LMNA: variants seen among roughly 807,000 people sequenced by gnomAD.
The protein encoded by LMNA is lamin.
A neutral mutation model predicts 70.4 loss-of-function variants in LMNA; 20 were observed. That is an observed-to-expected ratio of 0.28 (90% confidence interval 0.20 to 0.41). The LOEUF is 0.41. LMNA is among the 10% of genes least tolerant of loss of function. The pLI is 1.00. For missense variants in LMNA, 652 were observed against 917.2 expected (o/e 0.71, Z 3.73); for synonymous variants, 339 against 372.8 (o/e 0.91, Z 1.04).
rs575668767 is a variant in LMNA at position 156,139,490 on chromosome 1, C to T, written c.*384C>T. 2.2e-4 allele frequency: 290 copies of T among 1,329,002 alleles called. 1 individual carries two copies. In the South Asian group the frequency reaches 4.3e-3, roughly 20 times the overall value. 82.3% of individuals were successfully genotyped at this position (1,329,002 alleles called of 1,614,324 possible). A position where few individuals can be genotyped will look rare whatever the true frequency, so the allele number is the denominator to read the frequency against. On this transcript the variant is annotated 3_prime_UTR_variant, in exon 12 of 12. Coordinates refer to ENST00000368300, the MANE Select transcript of LMNA (RefSeq NM_170707.4). ...TCTGCCCTGGCTGCTGCCCCCACCC[C>T]GGGGACCCTGTGACATGGTGCCTGA...
rs377630282 is a variant in LMNA at position 156,094,119 on chromosome 1, G to C, written c.-207+3537G>C. Among the ~76,000 whole-genome samples, 264 of 152,268 alleles carry C rather than the reference G, an allele frequency of 1.7e-3. 2 individuals are homozygous for C. Among genetic ancestry groups the C allele is most frequent in the Middle Eastern group, 0.017 (5 of 294 alleles). On this transcript the variant is annotated intron_variant, in intron 3 of 12. Transcript: ENST00000368301. ...TGTTGCTAACTCACTGACATGACTT[G>C]GTGGATGGCTCAGAAGGGATCCCTA...
upstream of LMNA, chr1:156,114,607 C>G (rs1335063351): frequency 1.6e-5 from 5 of 306,664 alleles, no homozygotes; most frequent in Admixed American, 5.0e-5. Context: ...TCACCACTCC[C>G]GCCCCCACCC....
intron 3 of LMNA, among the ~76,000 whole-genome samples, chr1:156,105,761 G>T (rs900460531): frequency 1.3e-5 from 2 of 152,102 alleles, no homozygotes; most frequent in African/African-American, 4.8e-5. Context: ...CTTAAAGAGG[G>T]CCTCCCCACA....
At chr1:156,119,808 A>G (rs1650070724) in intron 1 of LMNA, among the ~76,000 whole-genome samples, 1 of 148,770 alleles carries the variant, frequency 6.7e-6, no homozygotes, top group Admixed American at 6.7e-5. Context: ...TAAAGGGAGG[A>G]GTGGTGGTCT....
chr1:156,135,831 C>A lies in LMNA; in HGVS notation c.937-70C>A. The A allele has an allele frequency of 7.3e-7, 1 of 1,361,720 alleles. No individual in the cohort carries two copies. The highest frequency in any genetic ancestry group is 1.0e-6 in the Non-Finnish European group (1 of 969,480). 84.4% of individuals were successfully genotyped at this position (1,361,720 alleles called of 1,614,324 possible). ...GAGAGTAGCCAGGTGTCTCCTACAC[C>A]GACCCACGTCCCTCCTTCCCCATAC... On this transcript the variant is annotated intron_variant, in intron 5 of 11. Transcript: ENST00000368300. This position sits in a 1 kb window ranked among gnomAD's most constrained non-coding sequence, Gnocchi z 4.8.
rs1241981155 is a variant in LMNA, at chr1:156,137,414, G to A, written c.1608+182G>A. On this transcript the variant is annotated intron_variant, in intron 9 of 11. Transcript: ENST00000368300. This position sits in a 1 kb window ranked among gnomAD's most constrained non-coding sequence, Gnocchi z 4.6. The stretch of plus-strand genomic sequence containing the variant: ...AAGATGCTTCCTCAACAGCACAAGG[G>A]GTGGAAGTTAGACAGTGAGGATTGT... The A allele has an allele frequency of 3.7e-5, 31 of 836,006 alleles. No individual in the cohort carries two copies. The highest frequency in any genetic ancestry group is 6.7e-4 in the Middle Eastern group (2 of 3,006). 51.8% of individuals were successfully genotyped at this position (836,006 alleles called of 1,614,324 possible).
Position 156,134,539 on chromosome 1 carries a change from T to C in LMNA, c.639+11T>C. The stretch of plus-strand genomic sequence containing the variant: ...AACATCTACAGTGAGGTGGGGACTG[T>C]GCTTTGCAAGCCAGAGGGCTGGGGC... On this transcript the variant is annotated intron_variant, in intron 3 of 11. Transcript: ENST00000368300. This position sits in a 1 kb window ranked among gnomAD's most constrained non-coding sequence, Gnocchi z 5.3. 3.1e-6 allele frequency: 5 copies of C among 1,613,734 alleles called. No homozygotes were observed. Among genetic ancestry groups the C allele is most frequent in the Non-Finnish European group, 4.2e-6 (5 of 1,180,022 alleles).
chr1:156,129,715 T>C lies in LMNA; in HGVS notation c.357-902T>C, dbSNP rs1310538354. The C allele has an allele frequency of 4.8e-6, 3 of 624,934 alleles. No individual in the cohort carries two copies. The East Asian group carries it at 8.3e-5, about 17-fold the overall frequency. The allele number at this position is 624,934 out of a possible 1,614,324, so 38.7% of individuals were successfully genotyped here. On this transcript the variant is annotated intron_variant, in intron 1 of 11. Transcript: ENST00000368300. The stretch of plus-strand genomic sequence containing the variant: ...TTTTAAGAAAATAGGACCTTTCTAT[T>C]TCTCCAGTCCACTAGCAAAAATAAT...
At chr1:156,107,503 G>A (rs576369955) in intron 3 of LMNA, among the ~76,000 whole-genome samples, 1 of 152,362 alleles carries the variant, frequency 6.6e-6, no homozygotes, top group South Asian at 2.1e-4. Context: ...GAGCCCAGGG[G>A]CCTCCTGGAA....
chr1:156,104,916 G>A (rs1449076642), intron 3 of LMNA, among the ~76,000 whole-genome samples: 1 of 152,144 alleles, frequency 6.6e-6, no homozygotes, highest in African/African-American at 2.4e-5. Flanking sequence ...ACCTCCTCTG[G>A]GGTAGGACTG....
At chr1:156,108,579 A>C (rs563747710) in intron 3 of LMNA, among the ~76,000 whole-genome samples, 1 of 152,258 alleles carries the variant, frequency 6.6e-6, no homozygotes, top group South Asian at 2.1e-4. Context: ...TTACATGGTG[A>C]AATCCCGTCT....
intron 1 of LMNA, among the ~76,000 whole-genome samples, chr1:156,124,745 A>G (rs2993268): frequency 0.11 from 15,824 of 150,662 alleles, 1,510 homozygotes; most frequent in African/African-American, 0.25. Context: ...GGGGGGAGGT[A>G]GGGGCTATCA....
chr1:156,111,011 C>A (rs1323282547), upstream of LMNA, among the ~76,000 whole-genome samples: 2 of 152,054 alleles, frequency 1.3e-5, no homozygotes, highest in African/African-American at 4.8e-5. Context: ...CTGCTGTGTG[C>A]CAGGTGTTAG....
Position 156,093,769 on chromosome 1 carries a change from C to G in LMNA, c.-207+3187C>G, listed in dbSNP as rs534411150. 10 of 152,316 alleles carry G rather than the reference C, an allele frequency of 6.6e-5. No homozygotes were observed. The East Asian group carries it at 1.9e-3, about 29-fold the overall frequency. 9.4% of individuals were successfully genotyped at this position (152,316 alleles called of 1,614,324 possible). A position where few individuals can be genotyped will look rare whatever the true frequency, so the allele number is the denominator to read the frequency against. On this transcript the variant is annotated intron_variant, in intron 3 of 12. Coordinates refer to the LMNA transcript ENST00000368301. Reference sequence around the variant, plus strand: ...TAGTCTACTCCTGTATTCTCAGCACCCAGCACAAAGTAGGTGCTTAATAAA... The same window carrying G: ...TAGTCTACTCCTGTATTCTCAGCACGCAGCACAAAGTAGGTGCTTAATAAA...
In LMNA at chr1:156,136,061, A is replaced by G. The variant is rs1651570427; in HGVS notation, c.1097A>G (p.Lys366Arg). 1 of 1,614,002 alleles carries G rather than the reference A, an allele frequency of 6.2e-7. No homozygotes were observed. Among genetic ancestry groups the G allele is most frequent in the African/African-American group, 1.3e-5 (1 of 74,936 alleles). Residue 366 changes from lysine (K) to arginine (R), a missense_variant, in exon 6 of 12, where the codon AAG (lysine) becomes AGG (arginine). Physicochemically the swap from Lys to Arg is conservative, Grantham distance 26. Coordinates refer to ENST00000368300, the MANE Select transcript of LMNA (RefSeq NM_170707.4). This position sits in a 1 kb window ranked among gnomAD's most constrained non-coding sequence, Gnocchi z 6.1. Reference protein sequence around the residue: ...LDEYQELLDIKLALDMEIHAY... With the variant: ...LDEYQELLDIRLALDMEIHAY... ...GAGTACCAGGAGCTTCTGGACATCAAGCTGGCCCTGGACATGGAGATCCAC... is the reference window on the plus strand; with the variant it reads ...GAGTACCAGGAGCTTCTGGACATCAGGCTGGCCCTGGACATGGAGATCCAC...
rs1322269509 is a variant in LMNA, at chr1:156,138,814, G to A, written c.1968+57G>A. On this transcript the variant is annotated intron_variant, in intron 11 of 11. Coordinates refer to ENST00000368300, the MANE Select transcript of LMNA (RefSeq NM_170707.4). This position sits in a 1 kb window ranked among gnomAD's most constrained non-coding sequence, Gnocchi z 5.5. ...GCAGGCGGGTCCCTGGTCATCGAGG[G>A]GTAGGACGAGGTGGCCTTGCAGGGG... The A allele has an allele frequency of 2.5e-6, 4 of 1,606,694 alleles. No homozygotes were observed. The highest frequency in any genetic ancestry group is 2.6e-6 in the Non-Finnish European group (3 of 1,175,434).
chr1:156,102,411 G>A (rs780498335), intron 3 of LMNA, among the ~76,000 whole-genome samples: 22 of 152,214 alleles, frequency 1.4e-4, no homozygotes, highest in Non-Finnish European at 7.3e-5. Flanking sequence ...CCAGGTTTCA[G>A]TCCTGGTTCT....
chr1:156,099,813 G>A (rs1325535421), intron 3 of LMNA, among the ~76,000 whole-genome samples: 1 of 149,454 alleles, frequency 6.7e-6, no homozygotes, highest in East Asian at 2.0e-4. Context: ...TTGAGCTCAG[G>A]AGGCAGAGGC....
chr1:156,115,330 G>A lies in LMNA; in HGVS notation c.356+56G>A, dbSNP rs1649753336. 8 of 1,484,508 alleles carry A rather than the reference G, an allele frequency of 5.4e-6. No individual in the cohort carries two copies. Among genetic ancestry groups the A allele is most frequent in the Non-Finnish European group, 7.3e-6 (8 of 1,093,334 alleles). 92.0% of individuals were successfully genotyped at this position (1,484,508 alleles called of 1,614,324 possible). Reference sequence around the variant, plus strand: ...CGGGGAGTGGAGAGGGCGGCGGGCCGGCGCCCCTGGCCGGCCGCAGGAAGG... The same window carrying A: ...CGGGGAGTGGAGAGGGCGGCGGGCCAGCGCCCCTGGCCGGCCGCAGGAAGG... On this transcript the variant is annotated intron_variant, in intron 1 of 11. Transcript: ENST00000368300. This position sits in a 1 kb window ranked among gnomAD's most constrained non-coding sequence, Gnocchi z 5.8.
Sources: allele counts gnomAD v4.1 joint callset (sites outside exome capture counted in the v4.1 genomes callset), GRCh38; gene constraint gnomAD v4.1.1; non-coding constraint Gnocchi (gnomAD v3.1); transcripts MANE v1.5; gene names NCBI Gene and HGNC (gene_info 2026-07-23, HGNC 2026-07-21).